ERC2: variants seen among roughly 807,000 people sequenced by gnomAD.
ERC2 encodes the protein ELKS/RAB6-interacting/CAST family member 2.
In ERC2, 42 loss-of-function variants were observed where a neutral mutation model predicts 114.8. That is an observed-to-expected ratio of 0.37 (90% CI 0.29 to 0.47). The LOEUF (loss-of-function observed/expected upper bound fraction) is 0.47, where lower values mean the gene tolerates loss of function less well. Ranked by LOEUF, ERC2 falls within the 20% of genes least tolerant of loss-of-function variation. ERC2 has a pLI of 0.99. For synonymous variants in ERC2, 454 were observed against 425.5 expected (o/e 1.07, Z -0.82); for missense variants, 939 against 1,150.7 (o/e 0.82, Z 2.66).
chr3:56,341,588 CA>C (rs111538851), intron 2 of ERC2, among the ~76,000 whole-genome samples: 9,742 of 135,548 alleles, frequency 0.072, 551 homozygotes, highest in African/African-American at 0.17. Context: ...CTTTTAGGGG[CA>C]AAAAAAAAAA....
intron 6 of ERC2, among the ~76,000 whole-genome samples, chr3:56,135,949 G>T (rs926900973): frequency 6.6e-6 from 1 of 152,122 alleles, no homozygotes; most frequent in Non-Finnish European, 1.5e-5. Context: ...TAAGAAACTT[G>T]GCCTTAGAGT....
At chr3:56,442,851 G>T (rs2062382719) in intron 1 of ERC2, among the ~76,000 whole-genome samples, 1 of 152,176 alleles carries the variant, frequency 6.6e-6, no homozygotes, top group Admixed American at 6.5e-5. Context: ...GGGGGATAAG[G>T]CAGTGATTGA....
At chr3:56,252,013 G>A (rs1459892669) in intron 3 of ERC2, among the ~76,000 whole-genome samples, 1 of 152,092 alleles carries the variant, frequency 6.6e-6, no homozygotes, top group Non-Finnish European at 1.5e-5. Flanking sequence ...CCTTATAGCT[G>A]GTCAAGTTCC....
intron 6 of ERC2, among the ~76,000 whole-genome samples, chr3:56,125,577 AT>A (rs1184501603): frequency 1.3e-5 from 2 of 152,186 alleles, no homozygotes; most frequent in African/African-American, 2.4e-5. Flanking sequence ...TTGAAAAAAG[AT>A]TTCCGAAAGT....
intron 6 of ERC2, among the ~76,000 whole-genome samples, chr3:56,085,435 T>G (rs2077453613): frequency 6.6e-6 from 1 of 152,156 alleles, no homozygotes; most frequent in Non-Finnish European, 1.5e-5. Flanking sequence ...GGCAGATTCT[T>G]CAAATAGCTG....
rs544133104 is a variant in ERC2 at position 56,326,769 on chromosome 3, C to G, written c.658-30334G>C. ...CTAGTGACCACAGCCCTCTCATTCC[C>G]AGGGAGCAGCAGGCTAGAGGCTGTG... On this transcript the variant is annotated intron_variant, in intron 2 of 17. Transcript: ENST00000288221. Among the ~76,000 whole-genome samples, 233 of 152,304 alleles carry G rather than the reference C, an allele frequency of 1.5e-3. 5 individuals are homozygous for G. Among genetic ancestry groups the G allele is most frequent in the Non-Finnish European group, 2.8e-4 (19 of 68,018 alleles).
At chr3:56,064,261 T>C (rs2076371011) in intron 7 of ERC2, among the ~76,000 whole-genome samples, 1 of 152,182 alleles carries the variant, frequency 6.6e-6, no homozygotes, top group South Asian at 2.1e-4. Context: ...AACATGGAAC[T>C]GCAGCAAAGG....
At position 55,660,671 on chromosome 3, in the gene ERC2, G is replaced by A. The variant is rs2148707542; in HGVS notation, c.*39+23123C>T. 3.3e-5 allele frequency among the ~76,000 whole-genome samples: 5 copies of A among 152,274 alleles called. No homozygotes were observed. The Middle Eastern group carries it at 0.014, about 414-fold the overall frequency. ...CAATTTTGTATATGGAAACATATTA[G>A]CTTCATATTTAATTGGGGTCGTGGT... On this transcript the variant is annotated intron_variant, in intron 17 of 17. Coordinates refer to ENST00000288221, the MANE Select transcript of ERC2 (RefSeq NM_015576.3).
chr3:56,400,867 C>T (rs569777143), intron 2 of ERC2, among the ~76,000 whole-genome samples: 2 of 152,148 alleles, frequency 1.3e-5, no homozygotes, highest in Non-Finnish European at 2.9e-5. Flanking sequence ...ATGTTCCAAA[C>T]TTCTTTTTAA....
At chr3:56,458,335 G>T (rs6775886) in intron 1 of ERC2, among the ~76,000 whole-genome samples, 5,910 of 152,244 alleles carry the variant, frequency 0.039, 270 homozygotes, top group African/African-American at 0.11. Context: ...TAGTGGCAAA[G>T]CCAGAAAGGG....
intron 12 of ERC2, among the ~76,000 whole-genome samples, chr3:55,984,767 C>T (rs1025933546): frequency 2.0e-5 from 3 of 152,174 alleles, no homozygotes; most frequent in Admixed American, 6.5e-5. Flanking sequence ...TCCTGCACCG[C>T]GATGAAGTTC....
At chr3:56,364,152 T>C (rs1041758445) in intron 2 of ERC2, among the ~76,000 whole-genome samples, 5 of 152,150 alleles carry the variant, frequency 3.3e-5, no homozygotes, top group African/African-American at 1.2e-4. Context: ...GGGCAAATAG[T>C]ATATGCTTCC....
At chr3:56,029,940 T>C (rs2074277848) in intron 7 of ERC2, among the ~76,000 whole-genome samples, 1 of 152,142 alleles carries the variant, frequency 6.6e-6, no homozygotes, top group African/African-American at 2.4e-5. Flanking sequence ...TCTTTTTTCA[T>C]ATAAGCATCC....
chr3:55,892,093 G>A (rs1173814625), intron 13 of ERC2, among the ~76,000 whole-genome samples: 1 of 152,172 alleles, frequency 6.6e-6, no homozygotes, highest in Non-Finnish European at 1.5e-5. Flanking sequence ...CAGGTAAATA[G>A]GGAACCCTAT....
intron 15 of ERC2, among the ~76,000 whole-genome samples, chr3:55,712,888 T>TACATGCATCAAGGCTCC (rs2063846266): frequency 1.3e-5 from 2 of 152,298 alleles, no homozygotes; most frequent in African/African-American, 4.8e-5. Flanking sequence ...CACAAGGTGC[T>TACATGCATCAAGGCTCC]ACTACATGCA....
At chr3:55,689,503 G>T (rs2062520239) in intron 16 of ERC2, among the ~76,000 whole-genome samples, 1 of 152,136 alleles carries the variant, frequency 6.6e-6, no homozygotes, top group Non-Finnish European at 1.5e-5. Flanking sequence ...CATAAAAAAG[G>T]GTGGGAGTGA....
intron 17 of ERC2, among the ~76,000 whole-genome samples, chr3:55,568,216 C>G (rs1342656676): frequency 6.6e-6 from 1 of 152,132 alleles, no homozygotes; most frequent in Non-Finnish European, 1.5e-5. Context: ...GGAGGTTGCC[C>G]TCTGAATTGT....
Position 56,370,942 on chromosome 3 carries a change from A to G in ERC2, c.657+63409T>C, listed in dbSNP as rs540240653. Among the ~76,000 whole-genome samples, 3 of 152,230 alleles carry G rather than the reference A, an allele frequency of 2.0e-5. No homozygotes were observed. In the East Asian group the frequency reaches 5.8e-4, roughly 29 times the overall value. On this transcript the variant is annotated intron_variant, in intron 2 of 17. Transcript: ENST00000288221. Reference sequence around the variant, plus strand: ...CTTACAGAGACTATTAATTGTTCTCATTTTTGCCACAGTGGTCATAATGTT... The same window carrying G: ...CTTACAGAGACTATTAATTGTTCTCGTTTTTGCCACAGTGGTCATAATGTT...
intron 2 of ERC2, among the ~76,000 whole-genome samples, chr3:56,301,126 T>G (rs1027692875): frequency 1.6e-4 from 25 of 152,106 alleles, no homozygotes; most frequent in African/African-American, 6.0e-4. Context: ...GGCTGTTCCT[T>G]ATTCAGAAGT....
Sources: allele counts gnomAD v4.1 joint callset (sites outside exome capture counted in the v4.1 genomes callset), GRCh38; gene constraint gnomAD v4.1.1; transcripts MANE v1.5; gene names NCBI Gene and HGNC (gene_info 2026-07-23, HGNC 2026-07-21).